VAV3: variants seen among roughly 807,000 people sequenced by gnomAD.
VAV3 encodes the protein vav guanine nucleotide exchange factor 3, also known as guanine nucleotide exchange factor VAV3.
Under a neutral mutation model 131.2 loss-of-function variants are expected in VAV3, and 94 were observed. That is an observed-to-expected ratio of 0.72 (90% CI 0.61 to 0.85). The LOEUF is 0.85. Ranked by LOEUF, VAV3 falls within the 40% of genes least tolerant of loss-of-function variation. The pLI is 0.00. For synonymous variants in VAV3, 349 were observed against 342.0 expected (o/e 1.02, Z -0.22); for missense variants, 939 against 1,002.7 (o/e 0.94, Z 0.86).
In VAV3 at chr1:107,964,916, T is replaced by TGCG. The variant is rs1306794501; in HGVS notation, c.-50_-48dup. On this transcript the variant is annotated 5_prime_UTR_variant, in exon 1 of 27. Coordinates refer to ENST00000370056, the MANE Select transcript of VAV3 (RefSeq NM_006113.5). ...GCTGGGCCGGGGCGGGCGGCAAGGA[T>TGCG]GCGGCCGCCGCCGCCGCCGCCGCGG... The TGCG allele has an allele frequency of 8.4e-7, 1 of 1,191,998 alleles. No homozygotes were observed. The highest frequency in any genetic ancestry group is 1.8e-5 in the African/African-American group (1 of 54,768). 73.8% of individuals were successfully genotyped at this position (1,191,998 alleles called of 1,614,324 possible).
At chr1:107,807,368 G>A (rs1244583403) in intron 2 of VAV3, among the ~76,000 whole-genome samples, 1 of 152,150 alleles carries the variant, frequency 6.6e-6, no homozygotes, top group Non-Finnish European at 1.5e-5. Context: ...AGTAGAAAAT[G>A]TTATTACTCC....
At chr1:107,859,472 T>C (rs1287789278) in intron 2 of VAV3, among the ~76,000 whole-genome samples, 1 of 151,952 alleles carries the variant, frequency 6.6e-6, no homozygotes, top group Non-Finnish European at 1.5e-5. Flanking sequence ...ATGGAATAAT[T>C]CTCGATGACT....
chr1:107,681,802 C>T (rs1000784887), intron 19 of VAV3, among the ~76,000 whole-genome samples: 8 of 151,914 alleles, frequency 5.3e-5, no homozygotes, highest in Non-Finnish European at 8.8e-5. Context: ...TACAGGCACC[C>T]GCCACCACCC....
chr1:107,654,424 T>C (rs1656394235), intron 19 of VAV3, among the ~76,000 whole-genome samples: 1 of 152,028 alleles, frequency 6.6e-6, no homozygotes. Context: ...TAATTGGGAA[T>C]ACTAAAAATT....
At chr1:107,677,125 G>T (rs1658267268) in intron 19 of VAV3, among the ~76,000 whole-genome samples, 1 of 152,036 alleles carries the variant, frequency 6.6e-6, no homozygotes, top group Non-Finnish European at 1.5e-5. Context: ...ATAACTAATT[G>T]CCAATATGAG....
At chr1:107,945,851 GA>G (rs760308249) in intron 1 of VAV3, among the ~76,000 whole-genome samples, 2 of 143,026 alleles carry the variant, frequency 1.4e-5, no homozygotes, top group Non-Finnish European at 3.1e-5. Context: ...AGAAAGAAAA[GA>G]AAAACAGTCA....
intron 25 of VAV3, among the ~76,000 whole-genome samples, chr1:107,586,804 A>G (rs1650534148): frequency 6.6e-6 from 1 of 152,166 alleles, no homozygotes; most frequent in East Asian, 1.9e-4. Flanking sequence ...CATTATTTTT[A>G]TAGTATATTT....
At chr1:107,675,766 C>T (rs1046528221) in intron 19 of VAV3, among the ~76,000 whole-genome samples, 2 of 152,166 alleles carry the variant, frequency 1.3e-5, no homozygotes, top group Admixed American at 6.5e-5. Context: ...TCTATGCTAA[C>T]ATGTCAGTAG....
At chr1:107,681,858 C>T (rs922980475) in intron 19 of VAV3, among the ~76,000 whole-genome samples, 1 of 152,104 alleles carries the variant, frequency 6.6e-6, no homozygotes, top group East Asian at 1.9e-4. Flanking sequence ...GATGGGGTTT[C>T]ACCGTGTTAG....
At chr1:107,765,734 T>C (rs1664699618) in intron 8 of VAV3, among the ~76,000 whole-genome samples, 1 of 152,174 alleles carries the variant, frequency 6.6e-6, no homozygotes, top group Non-Finnish European at 1.5e-5. Flanking sequence ...TCAGGGAAGG[T>C]ATCTCTGTAG....
chr1:107,782,072 T>C (rs1292266982), intron 2 of VAV3, among the ~76,000 whole-genome samples: 1 of 152,174 alleles, frequency 6.6e-6, no homozygotes, highest in Non-Finnish European at 1.5e-5. Context: ...TATATCACTG[T>C]TAGAAAGCTA....
chr1:107,641,225 T>C (rs17019580), intron 20 of VAV3, among the ~76,000 whole-genome samples: 14,941 of 152,202 alleles, frequency 0.098, 1,317 homozygotes, highest in East Asian at 0.46. Context: ...TCTTTGGGCA[T>C]TCTTATATAA....
chr1:107,704,828 G>T, intron 16 of VAV3, 132 bp downstream of exon 16: 1 of 1,084,380 alleles, frequency 9.2e-7, no homozygotes, highest in Non-Finnish European at 1.3e-6. Flanking sequence ...CCTGGCAAAG[G>T]TTTGTGGGAT....
At chr1:107,907,688 C>T (rs1322073325) in intron 1 of VAV3, among the ~76,000 whole-genome samples, 2 of 138,036 alleles carry the variant, frequency 1.4e-5, no homozygotes, top group Non-Finnish European at 3.0e-5. Flanking sequence ...CACACACGCG[C>T]TCTCTCTCTC....
At chr1:107,669,075 G>C (rs1187960125) in intron 19 of VAV3, 1 of 1,081,310 alleles carries the variant, frequency 9.2e-7, no homozygotes, top group Non-Finnish European at 1.1e-6. Context: ...AAGAACACAG[G>C]GGAAAAAAAG....
intron 15 of VAV3, among the ~76,000 whole-genome samples, chr1:107,729,544 C>A (rs2101961745): frequency 6.6e-6 from 1 of 152,252 alleles, no homozygotes; most frequent in South Asian, 2.1e-4. Flanking sequence ...GGATGTCCTA[C>A]GACATGGTGC....
intron 19 of VAV3, among the ~76,000 whole-genome samples, chr1:107,667,924 T>C (rs1442743693): frequency 6.6e-6 from 1 of 152,170 alleles, no homozygotes; most frequent in Non-Finnish European, 1.5e-5. Context: ...TGAGGGGCCA[T>C]CTGCAGTGTC....
intron 2 of VAV3, among the ~76,000 whole-genome samples, chr1:107,860,598 CTCCT>C (rs1225587616): frequency 6.6e-6 from 1 of 151,590 alleles, no homozygotes; most frequent in African/African-American, 2.4e-5. Flanking sequence ...CTTCTATTCT[CTCCT>C]TCGATTTTAA....
intron 24 of VAV3, among the ~76,000 whole-genome samples, chr1:107,598,856 G>A (rs11803410): frequency 0.36 from 54,435 of 151,640 alleles, 10,094 homozygotes; most frequent in Middle Eastern, 0.42. Context: ...AAACGATACC[G>A]AAGTTTCTCC....
Sources: gnomAD v4.1 joint callset for allele counts (sites outside exome capture counted in the v4.1 genomes callset) on GRCh38, gnomAD v4.1.1 for gene constraint, MANE v1.5 for transcripts, NCBI Gene and HGNC (gene_info 2026-07-23, HGNC 2026-07-21) for gene names.